Variants in GRK1 observed in about 807,000 individuals in gnomAD.
The protein encoded by GRK1 is G protein-coupled receptor kinase 1.
In GRK1, 28 loss-of-function variants were observed where a neutral mutation model predicts 41.7. The ratio of observed to expected loss-of-function variants is 0.67; its 90% CI spans 0.50 to 0.92. The LOEUF (loss-of-function observed/expected upper bound fraction) is 0.92, where lower values mean the gene tolerates loss of function less well. Ranked by LOEUF, GRK1 falls within the 40% of genes least tolerant of loss-of-function variation. GRK1 has a pLI of 0.00. For missense variants in GRK1, 703 were observed against 671.2 expected (o/e 1.05, Z -0.52); for synonymous variants, 327 against 286.7 (o/e 1.14, Z -1.42).
chr13:113,653,070 A>T, the GRK1 span: 10 of 1,608,096 alleles, frequency 6.2e-6, no homozygotes, highest in Non-Finnish European at 8.5e-6. Context: ...GCTGGAGAGT[A>T]GCCTGCAGAC....
At chr13:113,648,676 T>G in the GRK1 span, 1 of 152,214 alleles carries the variant, frequency 6.6e-6, no homozygotes, top group African/African-American at 2.4e-5. Context: ...TTTTAAACCA[T>G]CAGGCTGCCG....
chr13:113,657,384 A>G, the GRK1 span, among the ~76,000 whole-genome samples: 1 of 152,206 alleles, frequency 6.6e-6, no homozygotes, highest in African/African-American at 2.4e-5. Context: ...GTTTCCCGGA[A>G]CGGGTGTGGC....
intron 1 of GRK1, among the ~76,000 whole-genome samples, chr13:113,668,440 C>G (rs1243690270): frequency 6.6e-6 from 1 of 152,252 alleles, no homozygotes; most frequent in Non-Finnish European, 1.5e-5. Context: ...TTTGCCATGA[C>G]TGTGGAAGAC....
chr13:113,656,410 C>T, the GRK1 span, among the ~76,000 whole-genome samples: 454 of 152,334 alleles, frequency 3.0e-3, 2 homozygotes, highest in African/African-American at 0.011. Flanking sequence ...TGGCGAGTCT[C>T]AGCTCCACCA....
At chr13:113,655,301 A>C in the GRK1 span, among the ~76,000 whole-genome samples, 2 of 151,668 alleles carry the variant, frequency 1.3e-5, no homozygotes, top group Non-Finnish European at 2.9e-5. Context: ...CTGAGGGGGG[A>C]GTTATGGTTC....
At chr13:113,728,716 G>A (rs541062461) in intron 4 of GRK1, among the ~76,000 whole-genome samples, 28 of 152,306 alleles carry the variant, frequency 1.8e-4, no homozygotes, top group South Asian at 6.2e-4. Context: ...TGGGATCTGC[G>A]GTTTCCACCC....
upstream of GRK1, among the ~76,000 whole-genome samples, chr13:113,664,892 G>A (rs1040753183): frequency 2.0e-5 from 3 of 152,230 alleles, no homozygotes; most frequent in East Asian, 3.8e-4. This position sits in a 1 kb window ranked among gnomAD's most constrained non-coding sequence, Gnocchi z 5.4. Flanking sequence ...AACGTGATCC[G>A]CCCAAGGTCA....
intron 4 of GRK1, among the ~76,000 whole-genome samples, chr13:113,729,923 C>T (rs2049922148): frequency 6.6e-6 from 1 of 150,728 alleles, no homozygotes; most frequent in Admixed American, 6.6e-5. Flanking sequence ...CAGACCCATC[C>T]CTCCATCCCA....
intron 6 of GRK1, among the ~76,000 whole-genome samples, chr13:113,733,838 CGTGTGCATGT>C (rs2049970245): frequency 1.2e-5 from 1 of 81,250 alleles, no homozygotes; most frequent in African/African-American, 6.0e-5. Context: ...TGTGCACGTG[CGTGTGCATGT>C]GTATGTGTGC....
chr13:113,727,642 TACCCATGGCGATGAGG>T (rs2049898365), intron 4 of GRK1, among the ~76,000 whole-genome samples: 16 of 121,180 alleles, frequency 1.3e-4, no homozygotes, highest in African/African-American at 4.8e-4. Flanking sequence ...CGATGAGGAG[TACCCATGGCGATGAGG>T]ACCCATGGCG....
At chr13:113,726,732 C>T (rs1441481404) in intron 4 of GRK1, among the ~76,000 whole-genome samples, 1 of 152,152 alleles carries the variant, frequency 6.6e-6, no homozygotes, top group Non-Finnish European at 1.5e-5. Flanking sequence ...TCGTGCCCGG[C>T]CTGGGAGCTG....
Position 113,667,567 on chromosome 13 carries a change from G to A in GRK1, c.181G>A (p.Val61Met). 1 of 1,613,638 alleles carries A rather than the reference G, an allele frequency of 6.2e-7. No individual in the cohort carries two copies. Among genetic ancestry groups the A allele is most frequent in the Non-Finnish European group, 8.5e-7 (1 of 1,179,902 alleles). ...CAGCCTCAGCCTGGAGTTTGAGAGT[G>A]TGTGCTTGGAGCAGCCCATCGGCAA... ...RDSLSLEFES[V>M]CLEQPIGKKL... The change falls in exon 1 of 7, where the codon GTG (valine) becomes ATG (methionine). Residue 61 changes from valine to methionine, a missense_variant. Physicochemically the swap from Val to Met is conservative, Grantham distance 21. Transcript: ENST00000335678. The surrounding 1 kb of genome is among the most constrained non-coding windows in gnomAD (Gnocchi z 7.5).
Position 113,731,354 on chromosome 13 carries a change from G to T in GRK1, c.1194+11G>T. 1 of 1,536,596 alleles carries T rather than the reference G, an allele frequency of 6.5e-7. No individual in the cohort carries two copies. The highest frequency in any genetic ancestry group is 1.7e-4 in the Middle Eastern group (1 of 5,990). On this transcript the variant is annotated intron_variant, in intron 5 of 6. Coordinates refer to ENST00000335678, the MANE Select transcript of GRK1 (RefSeq NM_002929.3). This position sits in a 1 kb window ranked among gnomAD's most constrained non-coding sequence, Gnocchi z 5.6. ...GCCCGTGGAGAGAAGGTAGGAGGCG[G>T]CCGGCAGGTGTCTCTGCAGCCACCT...
chr13:113,727,194 C>T (rs2049894576), intron 4 of GRK1, among the ~76,000 whole-genome samples: 1 of 152,274 alleles, frequency 6.6e-6, no homozygotes, highest in Admixed American at 6.5e-5. Flanking sequence ...CTCCTGGAGT[C>T]TGACTCACCA....
upstream of GRK1, among the ~76,000 whole-genome samples, chr13:113,664,270 T>C (rs563098966): frequency 3.4e-4 from 52 of 152,286 alleles, no homozygotes; most frequent in African/African-American, 1.2e-3. The surrounding 1 kb of genome is among the most constrained non-coding windows in gnomAD (Gnocchi z 5.4). Flanking sequence ...GTCCCGTGGA[T>C]GGAGGCGGCC....
intron 4 of GRK1, among the ~76,000 whole-genome samples, chr13:113,725,371 G>A (rs1221210554): frequency 8.1e-4 from 41 of 50,870 alleles, no homozygotes; most frequent in Non-Finnish European, 1.0e-3. Context: ...CCTAGTTTGA[G>A]TTCAGGGGCG....
chr13:113,734,279 G>A (rs1426081342), intron 6 of GRK1, among the ~76,000 whole-genome samples: 2 of 152,354 alleles, frequency 1.3e-5, no homozygotes, highest in African/African-American at 4.8e-5. Flanking sequence ...GGTGCCCTGG[G>A]CAGGCCCAGC....
At chr13:113,649,385 T>A in the GRK1 span, 69 of 1,594,518 alleles carry the variant, frequency 4.3e-5, no homozygotes, top group Admixed American at 3.2e-4. The surrounding 1 kb of genome is among the most constrained non-coding windows in gnomAD (Gnocchi z 4.7). Context: ...CACTTCTCAA[T>A]CTTGAGTTTG....
intron 1 of GRK1, 21 bp from the exon 2 acceptor site, chr13:113,669,666 A>G: frequency 6.2e-7 from 1 of 1,613,740 alleles, no homozygotes; most frequent in Admixed American, 1.7e-5. Flanking sequence ...GCCAGTGCGT[A>G]CTCAGCGTCT....
Sources: allele counts gnomAD v4.1 joint callset (sites outside exome capture counted in the v4.1 genomes callset), GRCh38; gene constraint gnomAD v4.1.1; non-coding constraint Gnocchi (gnomAD v3.1); transcripts MANE v1.5; gene names NCBI Gene and HGNC (gene_info 2026-07-23, HGNC 2026-07-21).